The following SYNPO2 variants were observed in gnomAD, a reference collection of about 807,000 sequenced individuals.
SYNPO2 encodes the protein synaptopodin-2.
SYNPO2 carries 56 observed loss-of-function variants against 85.0 expected under a neutral mutation model. The observed-to-expected ratio is 0.66, with a 90% CI of 0.53 to 0.82. The LOEUF (loss-of-function observed/expected upper bound fraction) is 0.82. Among genes scored for constraint, SYNPO2 ranks in the 40% least tolerant of loss-of-function variants. The probability of loss-of-function intolerance (pLI) is 0.00; values close to 1 mark genes in which losing one functional copy is unlikely to be tolerated. For synonymous variants in SYNPO2, 602 were observed against 591.1 expected (o/e 1.02, Z -0.27); for missense variants, 1,575 against 1,534.2 (o/e 1.03, Z -0.44).
chr4:118,916,105 T>C (rs1733309397), intron 1 of SYNPO2, among the ~76,000 whole-genome samples: 1 of 152,054 alleles, frequency 6.6e-6, no homozygotes, highest in Non-Finnish European at 1.5e-5. Flanking sequence ...TTATAACCCA[T>C]ATTTTCATGT....
intron 4 of SYNPO2, among the ~76,000 whole-genome samples, chr4:119,051,483 G>A (rs918875130): frequency 1.3e-5 from 2 of 151,988 alleles, no homozygotes; most frequent in South Asian, 2.1e-4. Context: ...GAGCCACCGC[G>A]CCCGGCCGGG....
intron 1 of SYNPO2, among the ~76,000 whole-genome samples, chr4:118,953,460 C>A (rs1403932916): frequency 1.3e-5 from 2 of 152,106 alleles, no homozygotes; most frequent in African/African-American, 4.8e-5. Flanking sequence ...AGGACAGGTG[C>A]TCATTACACA....
intron 4 of SYNPO2, among the ~76,000 whole-genome samples, chr4:119,047,746 T>C (rs146685822): frequency 6.6e-6 from 1 of 152,364 alleles, no homozygotes; most frequent in East Asian, 1.9e-4. Flanking sequence ...TCTATATCTC[T>C]ATGCAGAAAT....
At chr4:119,021,391 C>T (rs1737714585) in intron 1 of SYNPO2, among the ~76,000 whole-genome samples, 1 of 152,120 alleles carries the variant, frequency 6.6e-6, no homozygotes, top group Non-Finnish European at 1.5e-5. Context: ...TAAGCCTAGC[C>T]ATGAAAACAT....
At chr4:118,962,326 A>C (rs562005329) in intron 1 of SYNPO2, among the ~76,000 whole-genome samples, 1 of 152,240 alleles carries the variant, frequency 6.6e-6, no homozygotes. Context: ...CATCTTTGAC[A>C]TACTATGCTT....
Position 119,031,903 on chromosome 4 carries a change from C to G in SYNPO2, c.3128C>G (p.Pro1043Arg). Residue 1043 changes from proline to arginine, a missense_variant, in exon 4 of 5, where the codon CCA becomes CGA. Pro to Arg is a moderately radical substitution (Grantham distance 103, BLOSUM62 -2). Coordinates refer to ENST00000307142, the MANE Select transcript of SYNPO2 (RefSeq NM_133477.3). ...TCCTTCTTTGCAGAGGCCTCCTCAC[C>G]AGTCAGTGCATCCCCAGTGCCTGTG... Reference protein sequence around the residue: ...PPSFFAEASSPVSASPVPVGI... With the variant: ...PPSFFAEASSRVSASPVPVGI... 6.2e-7 allele frequency: 1 copy of G among 1,614,222 alleles called. No individual in the cohort carries two copies. The highest frequency in any genetic ancestry group is 8.5e-7 in the Non-Finnish European group (1 of 1,180,044).
At chr4:118,939,722 T>C (rs1488873106) in intron 1 of SYNPO2, among the ~76,000 whole-genome samples, 1 of 152,186 alleles carries the variant, frequency 6.6e-6, no homozygotes, top group Non-Finnish European at 1.5e-5. Context: ...CTTTCTGAAA[T>C]GCACATAATC....
intron 4 of SYNPO2, chr4:119,043,773 A>C (rs140647998): frequency 1.3e-5 from 2 of 152,102 alleles, no homozygotes; most frequent in African/African-American, 4.8e-5. Flanking sequence ...CCCCACCTCT[A>C]TTAAAAACAC....
chr4:119,038,479 G>A lies in SYNPO2; in HGVS notation c.3252+6452G>A, dbSNP rs1270935074. On this transcript the variant is annotated intron_variant, in intron 4 of 4. Coordinates refer to ENST00000307142, the MANE Select transcript of SYNPO2 (RefSeq NM_133477.3). ...TCGTTGGCTGGGAATGGGGAAGAAT[G>A]TGATTTTTAAAAATAAAGCATAATC... The A allele has an allele frequency of 4.1e-6, 4 of 985,342 alleles. No individual in the cohort carries two copies. In the African/African-American group the frequency reaches 7.0e-5, roughly 17 times the overall value. The allele number at this position is 985,342 out of a possible 1,614,324, so 61.0% of individuals were successfully genotyped here. A position where few individuals can be genotyped will look rare whatever the true frequency, so the allele number is the denominator to read the frequency against.
chr4:119,026,581 T>A lies in SYNPO2; in HGVS notation c.258-46T>A, dbSNP rs1737952056. ...GTGTCAGGAAGTTCTTTGGCAGATGTAACATAGTCTGATTTAAGTGTCTGG... is the reference window on the plus strand; with the variant it reads ...GTGTCAGGAAGTTCTTTGGCAGATGAAACATAGTCTGATTTAAGTGTCTGG... On this transcript the variant is annotated intron_variant, in intron 2 of 4. Coordinates refer to ENST00000307142, the MANE Select transcript of SYNPO2 (RefSeq NM_133477.3). 3.9e-6 allele frequency: 6 copies of A among 1,524,758 alleles called. No homozygotes were observed. The East Asian group carries it at 9.1e-5, about 23-fold the overall frequency. 94.5% of individuals were successfully genotyped at this position (1,524,758 alleles called of 1,614,324 possible). A position where few individuals can be genotyped will look rare whatever the true frequency, so the allele number is the denominator to read the frequency against.
chr4:118,978,073 T>C (rs1198242889), intron 1 of SYNPO2, among the ~76,000 whole-genome samples: 3 of 152,210 alleles, frequency 2.0e-5, no homozygotes, highest in Admixed American at 2.0e-4. Context: ...GGATTGGGAA[T>C]TTTCTAAGAT....
At chr4:118,894,755 A>C (rs1050708438) in intron 1 of SYNPO2, among the ~76,000 whole-genome samples, 1 of 152,130 alleles carries the variant, frequency 6.6e-6, no homozygotes, top group Non-Finnish European at 1.5e-5. Flanking sequence ...ATATTCAAGA[A>C]ACACTTCTCT....
chr4:119,024,497 C>T (rs769845624), intron 2 of SYNPO2, among the ~76,000 whole-genome samples: 2 of 152,074 alleles, frequency 1.3e-5, no homozygotes, highest in African/African-American at 4.8e-5. Context: ...GATTCTGTTC[C>T]GGGATGAAAA....
chr4:118,937,223 A>C (rs1007076951), intron 1 of SYNPO2, among the ~76,000 whole-genome samples: 6 of 152,106 alleles, frequency 3.9e-5, no homozygotes, highest in African/African-American at 1.4e-4. Flanking sequence ...GTCCAAGTAC[A>C]TCTCCCTTCA....
At chr4:118,938,334 A>T (rs920747553) in intron 1 of SYNPO2, among the ~76,000 whole-genome samples, 4 of 152,140 alleles carry the variant, frequency 2.6e-5, no homozygotes, top group African/African-American at 9.7e-5. Flanking sequence ...TAAAGAAAAC[A>T]TATGTATATT....
At chr4:118,878,452 T>C (rs910657150) in intron 1 of SYNPO2, among the ~76,000 whole-genome samples, 1 of 152,064 alleles carries the variant, frequency 6.6e-6, no homozygotes, top group African/African-American at 2.4e-5. Flanking sequence ...TCTCACTGAG[T>C]TGGTGGAAGG....
intron 1 of SYNPO2, among the ~76,000 whole-genome samples, chr4:118,987,385 T>C (rs1293112477): frequency 6.6e-6 from 1 of 152,204 alleles, no homozygotes; most frequent in Non-Finnish European, 1.5e-5. Flanking sequence ...ATGCCTAATA[T>C]GGGCCAGGCA....
At chr4:118,996,600 G>A (rs35442382) in intron 1 of SYNPO2, among the ~76,000 whole-genome samples, 25,872 of 152,104 alleles carry the variant, frequency 0.17, 2,773 homozygotes, top group East Asian at 0.26. Context: ...GCTCACGCCC[G>A]TAATCCCAGC....
chr4:118,942,249 T>C (rs1734339891), intron 1 of SYNPO2, among the ~76,000 whole-genome samples: 1 of 152,200 alleles, frequency 6.6e-6, no homozygotes, highest in Admixed American at 6.5e-5. Flanking sequence ...CTACCACCTA[T>C]TGTGGGAAGG....
Sources: gnomAD v4.1 joint callset for allele counts (sites outside exome capture counted in the v4.1 genomes callset) on GRCh38, gnomAD v4.1.1 for gene constraint, MANE v1.5 for transcripts, NCBI Gene and HGNC (gene_info 2026-07-23, HGNC 2026-07-21) for gene names.